Variants in HHAT observed in about 807,000 individuals in gnomAD.
HHAT encodes protein-cysteine N-palmitoyltransferase HHAT.
In HHAT, 47 loss-of-function variants were observed where a neutral mutation model predicts 70.8. The ratio of observed to expected loss-of-function variants is 0.66; its 90% CI spans 0.53 to 0.85. The LOEUF is 0.85. HHAT is among the 40% of genes least tolerant of loss of function. The probability of loss-of-function intolerance (pLI) is 0.00; values close to 1 mark genes in which losing one functional copy is unlikely to be tolerated. For missense variants in HHAT, 609 were observed against 604.8 expected, an observed-to-expected ratio of 1.01 and a Z score of -0.07; for synonymous variants, 228 against 247.6, an observed-to-expected ratio of 0.92 and a Z score of 0.74.
chr1:210,347,048 A>G (rs1187481676), intron 1 of HHAT, among the ~76,000 whole-genome samples: 2 of 152,106 alleles, frequency 1.3e-5, no homozygotes, highest in East Asian at 3.9e-4. Flanking sequence ...TTTAAGATCT[A>G]CTCTTAGCAC....
At chr1:210,673,521 C>T (rs946313828) in intron 11 of HHAT, among the ~76,000 whole-genome samples, 5 of 151,776 alleles carry the variant, frequency 3.3e-5, no homozygotes, top group African/African-American at 1.2e-4. Flanking sequence ...TGAGACTACA[C>T]TCAGACTCAT....
At chr1:210,544,902 C>T (rs1208229896) in intron 9 of HHAT, among the ~76,000 whole-genome samples, 2 of 152,160 alleles carry the variant, frequency 1.3e-5, no homozygotes, top group African/African-American at 4.8e-5. Context: ...GTCCTCACCC[C>T]TAAATTCCCA....
chr1:210,590,272 C>T (rs1016729405), intron 10 of HHAT: 6 of 151,932 alleles, frequency 3.9e-5, no homozygotes, highest in Non-Finnish European at 5.9e-5. Context: ...CTTAGGTTAC[C>T]CTTCTTCCCT....
chr1:210,558,181 C>G (rs2095589748), intron 9 of HHAT, among the ~76,000 whole-genome samples: 1 of 152,202 alleles, frequency 6.6e-6, no homozygotes, highest in Non-Finnish European at 1.5e-5. Context: ...ACAGAGCCTT[C>G]TGCCAGAAGA....
chr1:210,441,006 T>C (rs896472757), intron 7 of HHAT, among the ~76,000 whole-genome samples: 1 of 152,212 alleles, frequency 6.6e-6, no homozygotes, highest in Admixed American at 6.5e-5. Context: ...ATCCAGGCTA[T>C]GCAGCCAGGA....
At position 210,674,447 on chromosome 1, in the gene HHAT, C is replaced by T. The variant is rs898832421; in HGVS notation, c.*68C>T. 4.2e-6 allele frequency: 5 copies of T among 1,201,622 alleles called. No homozygotes were observed. The East Asian group carries it at 9.5e-5, about 23-fold the overall frequency. 74.4% of individuals were successfully genotyped at this position (1,201,622 alleles called of 1,614,324 possible). A position where few individuals can be genotyped will look rare whatever the true frequency, so the allele number is the denominator to read the frequency against. ...CAAATAGTGCTTCACCCTGACCTCTCACTCCAGGACAGCCTCTAAGGGATT... is the reference window on the plus strand; with the variant it reads ...CAAATAGTGCTTCACCCTGACCTCTTACTCCAGGACAGCCTCTAAGGGATT... On this transcript the variant is annotated 3_prime_UTR_variant, in exon 12 of 12. Transcript: ENST00000261458.
At chr1:210,403,070 T>A (rs2092154561) in intron 5 of HHAT, among the ~76,000 whole-genome samples, 2 of 152,222 alleles carry the variant, frequency 1.3e-5, no homozygotes, top group Non-Finnish European at 2.9e-5. Flanking sequence ...GTTAAGTGAT[T>A]TTGTGAAAAT....
At chr1:210,596,841 T>C (rs1254098706) in intron 10 of HHAT, among the ~76,000 whole-genome samples, 1 of 152,180 alleles carries the variant, frequency 6.6e-6, no homozygotes, top group Non-Finnish European at 1.5e-5. Flanking sequence ...GTTCGTTCAC[T>C]GAGGTCATAT....
intron 8 of HHAT, among the ~76,000 whole-genome samples, chr1:210,492,939 G>C (rs1482733618): frequency 2.6e-5 from 4 of 152,022 alleles, no homozygotes; most frequent in Non-Finnish European, 4.4e-5. Context: ...TCATTTCTTA[G>C]AGGGCTACTG....
chr1:210,447,549 A>G (rs1270240853), intron 7 of HHAT, among the ~76,000 whole-genome samples: 2 of 152,346 alleles, frequency 1.3e-5, no homozygotes, highest in African/African-American at 2.4e-5. Context: ...GAAACATCCA[A>G]AAGGCAAATC....
At chr1:210,400,719 T>C (rs2092025493) in intron 5 of HHAT, 57 bp downstream of exon 5, 1 of 1,507,470 alleles carries the variant, frequency 6.6e-7, no homozygotes, top group Admixed American at 1.9e-5. Context: ...GGCTTTGCCT[T>C]GATCCCAGTA....
intron 6 of HHAT, among the ~76,000 whole-genome samples, chr1:210,415,154 A>G (rs1022296162): frequency 6.6e-6 from 1 of 152,220 alleles, no homozygotes; most frequent in Non-Finnish European, 1.5e-5. Context: ...TTTCATGACC[A>G]TACAATATTG....
At chr1:210,598,331 TCTGG>T (rs558541368) in intron 10 of HHAT, among the ~76,000 whole-genome samples, 109 of 152,168 alleles carry the variant, frequency 7.2e-4, no homozygotes, top group African/African-American at 2.5e-3. Context: ...CCTTGGATGC[TCTGG>T]CTGGTGACTC....
At chr1:210,399,686 CAT>C in intron 4 of HHAT, among the ~76,000 whole-genome samples, 1 of 152,284 alleles carries the variant, frequency 6.6e-6, no homozygotes, top group South Asian at 2.1e-4. Flanking sequence ...AAAGTTAAAA[CAT>C]TGTGGTTTTT....
intron 9 of HHAT, among the ~76,000 whole-genome samples, chr1:210,521,006 G>A (rs1449156185): frequency 6.6e-6 from 1 of 152,238 alleles, no homozygotes; most frequent in Non-Finnish European, 1.5e-5. Flanking sequence ...GAACAAGGCA[G>A]TGAACCTCTG....
chr1:210,595,899 T>G (rs902995831), intron 10 of HHAT, among the ~76,000 whole-genome samples: 3 of 152,180 alleles, frequency 2.0e-5, no homozygotes, highest in South Asian at 2.1e-4. Flanking sequence ...TTGCAAAAAT[T>G]TTCTCCCATT....
intron 8 of HHAT, among the ~76,000 whole-genome samples, chr1:210,504,872 C>G (rs1342168448): frequency 2.6e-5 from 4 of 151,008 alleles, no homozygotes; most frequent in Non-Finnish European, 5.9e-5. Context: ...CACTTCACTT[C>G]TCACTATGTT....
chr1:210,646,556 A>G (rs1674112492), intron 11 of HHAT, among the ~76,000 whole-genome samples: 1 of 152,198 alleles, frequency 6.6e-6, no homozygotes, highest in Admixed American at 6.5e-5. Flanking sequence ...AAATTACAAT[A>G]TCTCTTGGAA....
chr1:210,418,349 T>C (rs757955293), intron 7 of HHAT, 24 bp downstream of exon 7: 2 of 1,559,376 alleles, frequency 1.3e-6, no homozygotes, highest in Non-Finnish European at 1.7e-6. Context: ...TCACCAACAG[T>C]GGGATGAGCC....
Sources: gnomAD v4.1 joint callset for allele counts (sites outside exome capture counted in the v4.1 genomes callset) on GRCh38, gnomAD v4.1.1 for gene constraint, MANE v1.5 for transcripts, NCBI Gene and HGNC (gene_info 2026-07-23, HGNC 2026-07-21) for gene names.